Variants in NBAS observed in about 807,000 individuals in gnomAD.
NBAS encodes NAG/BC035112 fusion.
NBAS carries 219 observed loss-of-function variants against 302.5 expected under a neutral mutation model. The observed-to-expected ratio is 0.72, with a 90% confidence interval of 0.65 to 0.81. The LOEUF is 0.81. Ranked by LOEUF, NBAS falls within the 30% of genes least tolerant of loss-of-function variation. The pLI is 0.00. For missense variants in NBAS, 2,932 were observed against 2,841.6 expected, an observed-to-expected ratio of 1.03 and a Z score of -0.72; for synonymous variants, 1,118 against 1,021.6, an observed-to-expected ratio of 1.09 and a Z score of -1.80.
the NBAS span, among the ~76,000 whole-genome samples, chr2:15,126,139 G>A: frequency 6.6e-6 from 1 of 152,066 alleles, no homozygotes; most frequent in East Asian, 1.9e-4. Context: ...CTCACTCCGA[G>A]TTTATGTGAG....
At chr2:15,316,588 G>A (rs745378799) in intron 38 of NBAS, among the ~76,000 whole-genome samples, 33 of 152,226 alleles carry the variant, frequency 2.2e-4, no homozygotes, top group Admixed American at 7.9e-4. Flanking sequence ...TGCCTGGCTC[G>A]GCGGGTCCCA....
chr2:14,943,057 C>G, the NBAS span, among the ~76,000 whole-genome samples: 1 of 152,200 alleles, frequency 6.6e-6, no homozygotes, highest in African/African-American at 2.4e-5. Context: ...TTCTCTCTTT[C>G]CTCATTCTCA....
intron 42 of NBAS, among the ~76,000 whole-genome samples, chr2:15,277,887 T>A (rs1298040655): frequency 6.6e-6 from 1 of 152,184 alleles, no homozygotes; most frequent in Non-Finnish European, 1.5e-5. Flanking sequence ...GGACAGAGCC[T>A]GTGGTCTAGT....
At chr2:14,783,738 G>C in the NBAS span, among the ~76,000 whole-genome samples, 1 of 151,880 alleles carries the variant, frequency 6.6e-6, no homozygotes, top group African/African-American at 2.4e-5. Flanking sequence ...CATTTGGGTT[G>C]GTTCCAAGTC....
intron 17 of NBAS, 146 bp from the exon 18 acceptor site, chr2:15,467,950 A>G: frequency 1.4e-6 from 1 of 727,390 alleles, no homozygotes; most frequent in Non-Finnish European, 2.3e-6. Flanking sequence ...CATTGTAAAC[A>G]AAGTGATCAT....
Position 15,516,098 on chromosome 2 carries a change from A to G in NBAS, c.747-4748T>C, listed in dbSNP as rs192594248. Among the ~76,000 whole-genome samples, 124 of 152,306 alleles carry G rather than the reference A, an allele frequency of 8.1e-4. No individual in the cohort carries two copies. The East Asian group carries it at 0.022, about 27-fold the overall frequency. ...TTTTTAAGGAAACATCGAGAAGAAA[A>G]TTTCAAGCTTGTGAGAGTTACATGA... On this transcript the variant is annotated intron_variant, in intron 9 of 51. Coordinates refer to ENST00000281513, the MANE Select transcript of NBAS (RefSeq NM_015909.4).
At chr2:15,276,782 G>A (rs188632349) in intron 43 of NBAS, 69 bp downstream of exon 43, 18 of 1,609,000 alleles carry the variant, frequency 1.1e-5, no homozygotes, top group Non-Finnish European at 1.5e-5. Context: ...GAACAGGATT[G>A]TGTACAGAAA....
At chr2:15,380,684 C>T (rs1674993215) in intron 29 of NBAS, among the ~76,000 whole-genome samples, 1 of 152,034 alleles carries the variant, frequency 6.6e-6, no homozygotes, top group Non-Finnish European at 1.5e-5. Context: ...ATAAACAAAG[C>T]AATCCTTTTA....
rs572269208 is a variant in NBAS at position 15,381,506 on chromosome 2, TATA to T, written c.3361-1678_3361-1676del. On this transcript the variant is annotated intron_variant, in intron 29 of 51. Coordinates refer to ENST00000281513, the MANE Select transcript of NBAS (RefSeq NM_015909.4). The stretch of plus-strand genomic sequence containing the variant: ...GTGTTAAAATATTTTTAAAATGTAA[TATA>T]ATAAGTTGTTTTGATGGATTACTCC... Among the ~76,000 whole-genome samples the T allele has an allele frequency of 1.2e-3, 181 of 152,318 alleles. 1 individual carries two copies. Among genetic ancestry groups the T allele is most frequent in the African/African-American group, 4.2e-3 (175 of 41,582 alleles).
At chr2:14,806,773 T>C in the NBAS span, among the ~76,000 whole-genome samples, 366 of 152,246 alleles carry the variant, frequency 2.4e-3, no homozygotes, top group African/African-American at 8.0e-3. Context: ...AAGGAATGGG[T>C]TTTGAGCAAC....
At chr2:14,976,698 G>GA in the NBAS span, among the ~76,000 whole-genome samples, 4 of 152,136 alleles carry the variant, frequency 2.6e-5, no homozygotes, top group Non-Finnish European at 5.9e-5. Flanking sequence ...CATGATCCTG[G>GA]AATAGCTGGG....
chr2:14,963,845 GA>G, the NBAS span, among the ~76,000 whole-genome samples: 4 of 152,186 alleles, frequency 2.6e-5, no homozygotes, highest in South Asian at 8.3e-4. Flanking sequence ...TCCTAGTTGT[GA>G]GTAGGACAAT....
At chr2:15,453,515 T>C (rs143968175) in intron 21 of NBAS, among the ~76,000 whole-genome samples, 545 of 152,328 alleles carry the variant, frequency 3.6e-3, no homozygotes, top group Non-Finnish European at 5.5e-3. Context: ...TCAGTCACTT[T>C]TTAGCCTTAC....
At chr2:15,553,989 C>G in intron 4 of NBAS, 72 bp downstream of exon 4, 1 of 1,363,802 alleles carries the variant, frequency 7.3e-7, no homozygotes, top group Non-Finnish European at 1.0e-6. Context: ...ACAAGCATTC[C>G]AAAATTAACG....
At chr2:14,994,496 G>T in the NBAS span, among the ~76,000 whole-genome samples, 1 of 152,136 alleles carries the variant, frequency 6.6e-6, no homozygotes, top group South Asian at 2.1e-4. Flanking sequence ...GATAATAACG[G>T]ACCCTAGGAT....
At chr2:15,325,234 A>G (rs978030413) in intron 38 of NBAS, among the ~76,000 whole-genome samples, 5 of 152,338 alleles carry the variant, frequency 3.3e-5, no homozygotes, top group African/African-American at 1.2e-4. Flanking sequence ...AATAAAGCAA[A>G]TATTGCAATA....
intron 40 of NBAS, among the ~76,000 whole-genome samples, chr2:15,293,161 A>G (rs1432304698): frequency 6.6e-6 from 1 of 152,204 alleles, no homozygotes; most frequent in Non-Finnish European, 1.5e-5. Flanking sequence ...TTGCCTCTGG[A>G]TAAATTTTCT....
rs773794732 is a variant in NBAS, at chr2:15,327,851, G to A, written c.4481C>T (p.Thr1494Ile). ...GCTTTCCACTGGAACATGCTGATAG[G>A]TGTCATAGGTCCCTTCAGACTACAC... Reference protein sequence around the residue: ...FVAESEGTYDTYQHVPVESFA... With the variant: ...FVAESEGTYDIYQHVPVESFA... Residue 1494 changes from threonine to isoleucine, a missense_variant, in exon 38 of 52, where the codon ACC (threonine) becomes ATC (isoleucine). Transcript: ENST00000281513. 6.2e-7 allele frequency: 1 copy of A among 1,613,504 alleles called. No homozygotes were observed. Among genetic ancestry groups the A allele is most frequent in the South Asian group, 1.1e-5 (1 of 91,054 alleles).
the NBAS span, among the ~76,000 whole-genome samples, chr2:14,968,113 T>C: frequency 7.2e-5 from 11 of 152,226 alleles, no homozygotes; most frequent in African/African-American, 2.7e-4. Flanking sequence ...AGCCTGATTA[T>C]GTGAGCAACA....
Sources: allele counts gnomAD v4.1 joint callset (sites outside exome capture counted in the v4.1 genomes callset), GRCh38; gene constraint gnomAD v4.1.1; transcripts MANE v1.5; gene names NCBI Gene and HGNC (gene_info 2026-07-23, HGNC 2026-07-21).